The following ASTN1 variants were observed in gnomAD, a reference collection of about 807,000 sequenced individuals.
ASTN1 encodes astrotactin 1.
Under a neutral mutation model 140.7 loss-of-function variants are expected in ASTN1, and 41 were observed. The observed-to-expected ratio is 0.29, with a 90% CI of 0.23 to 0.38. The LOEUF (loss-of-function observed/expected upper bound fraction) is 0.38, where lower values mean the gene tolerates loss of function less well. Among genes scored for constraint, ASTN1 ranks in the 10% least tolerant of loss-of-function variants. ASTN1 has a pLI of 1.00. For missense variants in ASTN1, 1,479 were observed against 1,678.8 expected, an observed-to-expected ratio of 0.88 and a Z score of 2.08; for synonymous variants, 640 against 652.2, an observed-to-expected ratio of 0.98 and a Z score of 0.29.
chr1:177,064,797 C>T (rs1387759587), intron 1 of ASTN1, among the ~76,000 whole-genome samples: 1 of 152,128 alleles, frequency 6.6e-6, no homozygotes. Flanking sequence ...TTTCTTTTTC[C>T]TGGCAGATCT....
chr1:177,011,397 C>A (rs1379761995), intron 8 of ASTN1, among the ~76,000 whole-genome samples: 2 of 152,136 alleles, frequency 1.3e-5, no homozygotes, highest in African/African-American at 4.8e-5. Flanking sequence ...ACTGTTAGTT[C>A]TTCCAGAGCA....
intron 1 of ASTN1, among the ~76,000 whole-genome samples, chr1:177,151,697 A>G (rs1245833222): frequency 6.6e-6 from 1 of 152,202 alleles, no homozygotes; most frequent in Non-Finnish European, 1.5e-5. Context: ...TTTATTCCAG[A>G]AAAGAAAAAG....
intron 1 of ASTN1, among the ~76,000 whole-genome samples, chr1:177,119,268 CTAG>C (rs1681259098): frequency 6.6e-6 from 1 of 152,136 alleles, no homozygotes; most frequent in African/African-American, 2.4e-5. Context: ...GTGCTGGTGC[CTAG>C]TAGGTGCTAA....
At chr1:177,151,166 G>T (rs995498150) in intron 1 of ASTN1, among the ~76,000 whole-genome samples, 8 of 152,012 alleles carry the variant, frequency 5.3e-5, no homozygotes, top group Admixed American at 3.3e-4. Flanking sequence ...GTGTTTCCTG[G>T]AAGGAGAGTG....
At chr1:177,135,032 T>C (rs1012048015) in intron 1 of ASTN1, among the ~76,000 whole-genome samples, 2 of 152,104 alleles carry the variant, frequency 1.3e-5, no homozygotes, top group African/African-American at 4.8e-5. Flanking sequence ...TTCAATGCAA[T>C]ATTAATAGAA....
chr1:176,907,807 T>A (rs2103055709), intron 16 of ASTN1, among the ~76,000 whole-genome samples: 1 of 152,334 alleles, frequency 6.6e-6, no homozygotes, highest in Non-Finnish European at 1.5e-5. Flanking sequence ...TGGAAAGGCA[T>A]GTATGAGTTA....
chr1:176,886,562 T>C (rs1474340904), intron 18 of ASTN1, among the ~76,000 whole-genome samples: 1 of 152,238 alleles, frequency 6.6e-6, no homozygotes, highest in South Asian at 2.1e-4. Context: ...AAGGCTAGTG[T>C]ATCTACAGCC....
At chr1:177,033,030 T>C (rs552992931) in intron 2 of ASTN1, among the ~76,000 whole-genome samples, 181 bp from the exon 3 acceptor site, 49 of 152,156 alleles carry the variant, frequency 3.2e-4, no homozygotes, top group African/African-American at 1.2e-3. Flanking sequence ...GACTGGTATT[T>C]AGGGTGAGAG....
At chr1:177,051,574 A>G (rs1244706504) in intron 2 of ASTN1, among the ~76,000 whole-genome samples, 1 of 152,268 alleles carries the variant, frequency 6.6e-6, no homozygotes, top group Non-Finnish European at 1.5e-5. Context: ...CTCCATGGAC[A>G]CATGGCTGGC....
chr1:176,980,629 C>T (rs1673569550), intron 8 of ASTN1, among the ~76,000 whole-genome samples: 1 of 151,980 alleles, frequency 6.6e-6, no homozygotes, highest in Non-Finnish European at 1.5e-5. Flanking sequence ...AGAAATGTGC[C>T]AATGGACTTG....
Position 177,150,509 on chromosome 1 carries a change from T to A in ASTN1, c.283+13885A>T, listed in dbSNP as rs536913631. The stretch of plus-strand genomic sequence containing the variant: ...GGTAGTTCAGGTAAAGGAAAAGATG[T>A]CAGAGCATTCTAATAGACATGGAGA... On this transcript the variant is annotated intron_variant, in intron 1 of 22. Coordinates refer to ENST00000361833, the MANE Select transcript of ASTN1 (RefSeq NM_004319.3). Among the ~76,000 whole-genome samples the A allele has an allele frequency of 6.6e-5, 10 of 152,260 alleles. No individual in the cohort carries two copies. The South Asian group carries it at 2.1e-3, about 32-fold the overall frequency.
chr1:177,031,103 T>C (rs1302067574), intron 3 of ASTN1, 151 bp from the exon 4 acceptor site: 10 of 861,788 alleles, frequency 1.2e-5, no homozygotes, highest in Non-Finnish European at 1.4e-5. Context: ...GAAACTGAAA[T>C]ACTCCTTTTT....
chr1:176,925,725 A>AATTGGTGGGTTTAC (rs1670927076), intron 16 of ASTN1, among the ~76,000 whole-genome samples: 1 of 151,940 alleles, frequency 6.6e-6, no homozygotes, highest in African/African-American at 2.4e-5. Context: ...TTGTCCACGA[A>AATTGGTGGGTTTAC]CTTTTCTACT....
In ASTN1 at chr1:176,985,845, TACACACACACACACACAC is replaced by T. The variant is rs60769752; in HGVS notation, c.1524-20626_1524-20609del. Among the ~76,000 whole-genome samples, 982 of 129,738 alleles carry T rather than the reference TACACACACACACACACAC, an allele frequency of 7.6e-3. 2 individuals are homozygous for T. Among genetic ancestry groups the T allele is most frequent in the Middle Eastern group, 0.012 (3 of 258 alleles). 85.1% of individuals were successfully genotyped at this position (129,738 alleles called of 152,430 possible). On this transcript the variant is annotated intron_variant, in intron 8 of 22. Coordinates refer to ENST00000361833, the MANE Select transcript of ASTN1 (RefSeq NM_004319.3). Reference sequence around the variant, plus strand: ...TATTGGTTCTCTCTCTCTCTCTCTCTACACACACACACACACACACACACACACACACACACACACACA... The same window carrying T: ...TATTGGTTCTCTCTCTCTCTCTCTCTACACACACACACACACACACACACA...
intron 16 of ASTN1, among the ~76,000 whole-genome samples, chr1:176,911,361 T>C (rs1344958167): frequency 6.6e-6 from 1 of 152,182 alleles, no homozygotes; most frequent in Non-Finnish European, 1.5e-5. Flanking sequence ...CTTTCTGCAA[T>C]AATAAATTAA....
chr1:176,974,421 T>C (rs1023972315), intron 8 of ASTN1, among the ~76,000 whole-genome samples: 4 of 151,842 alleles, frequency 2.6e-5, no homozygotes, highest in Non-Finnish European at 5.9e-5. Flanking sequence ...AGTCTCGCTC[T>C]GTTGCCCAGG....
chr1:176,880,192 G>A (rs1211250129), intron 20 of ASTN1, among the ~76,000 whole-genome samples: 1 of 152,156 alleles, frequency 6.6e-6, no homozygotes, highest in Non-Finnish European at 1.5e-5. Context: ...TGACCCCAAC[G>A]GAGGCCTGTG....
chr1:177,149,395 A>AG (rs1426171217), intron 1 of ASTN1, among the ~76,000 whole-genome samples: 53 of 76,870 alleles, frequency 6.9e-4, no homozygotes, highest in African/African-American at 1.7e-3. Context: ...TATATATAGT[A>AG]TATATATAGT....
At chr1:177,161,958 C>T (rs142055863) in intron 1 of ASTN1, among the ~76,000 whole-genome samples, 1 of 152,254 alleles carries the variant, frequency 6.6e-6, no homozygotes, top group Non-Finnish European at 1.5e-5. Context: ...CACTTGAGGG[C>T]AAGAGACTTT....
Sources: gnomAD v4.1 joint callset for allele counts (sites outside exome capture counted in the v4.1 genomes callset) on GRCh38, gnomAD v4.1.1 for gene constraint, MANE v1.5 for transcripts, NCBI Gene and HGNC (gene_info 2026-07-23, HGNC 2026-07-21) for gene names.